The following MEIKIN variants were observed in gnomAD, a reference collection of about 807,000 sequenced individuals.
MEIKIN encodes the protein meiosis-specific kinetochore protein.
intron 12 of MEIKIN, among the ~76,000 whole-genome samples, chr5:131,813,917 A>T (rs1177452487): frequency 6.6e-6 from 1 of 152,204 alleles, no homozygotes; most frequent in East Asian, 1.9e-4. Flanking sequence ...CTGCAAGCTC[A>T]GGAGCAAGGA....
rs766237423 is a variant in MEIKIN at position 131,934,703 on chromosome 5, T to C, written c.350-1062A>G. Among the ~76,000 whole-genome samples the C allele has an allele frequency of 8.5e-5, 13 of 152,250 alleles. 3 individuals are homozygous for C. The highest frequency in any genetic ancestry group is 9.6e-5 in the African/African-American group (4 of 41,550). Reference sequence around the variant, plus strand: ...ACACTAAAAAAGATTCATAAAACAATAGCACTGATAATTTGGACTTCAGCA... The same window carrying C: ...ACACTAAAAAAGATTCATAAAACAACAGCACTGATAATTTGGACTTCAGCA... On this transcript the variant is annotated intron_variant, in intron 4 of 12. Coordinates refer to ENST00000442687, the MANE Select transcript of MEIKIN (RefSeq NM_001303622.2).
intron 11 of MEIKIN, among the ~76,000 whole-genome samples, chr5:131,819,512 A>G (rs1380199046): frequency 6.6e-6 from 1 of 151,398 alleles, no homozygotes; most frequent in Non-Finnish European, 1.5e-5. Context: ...TTCAGAAGTG[A>G]CATATCTTGT....
At chr5:131,934,754 G>C (rs1431433044) in intron 4 of MEIKIN, among the ~76,000 whole-genome samples, 1 of 152,106 alleles carries the variant, frequency 6.6e-6, no homozygotes, top group Non-Finnish European at 1.5e-5. Context: ...CTTCAAAAGA[G>C]ACTATTAAAA....
At chr5:131,878,030 T>A (rs1265531309) in intron 9 of MEIKIN, among the ~76,000 whole-genome samples, 1 of 152,228 alleles carries the variant, frequency 6.6e-6, no homozygotes, top group East Asian at 1.9e-4. Context: ...GTTTCAGTTA[T>A]CAGATCAAAA....
At position 131,882,424 on chromosome 5, in the gene MEIKIN, T is replaced by G. The variant is rs77125330; in HGVS notation, c.704-3376A>C. 8.9e-3 allele frequency among the ~76,000 whole-genome samples: 1,349 copies of G among 152,264 alleles called. 24 individuals carry two copies. Among genetic ancestry groups the G allele is most frequent in the African/African-American group, 0.031 (1,281 of 41,542 alleles). On this transcript the variant is annotated intron_variant, in intron 8 of 12. Transcript: ENST00000442687. ...TTTACAGCTTGCTCCTCTGGAGTGA[T>G]GGACAAAGCAGAAAGAATAGGTGAA...
intron 9 of MEIKIN, among the ~76,000 whole-genome samples, chr5:131,858,255 C>G (rs186092236): frequency 2.5e-4 from 38 of 152,272 alleles, no homozygotes; most frequent in African/African-American, 8.9e-4. Flanking sequence ...ACCAATGGAA[C>G]AGAATAGAGA....
intron 8 of MEIKIN, among the ~76,000 whole-genome samples, chr5:131,889,283 T>C (rs182483305): frequency 5.9e-5 from 9 of 152,328 alleles, no homozygotes; most frequent in African/African-American, 1.9e-4. Flanking sequence ...TGGCATTGAA[T>C]CTATAAATTA....
At position 131,910,892 on chromosome 5, in the gene MEIKIN, T is replaced by C. The variant is rs888479116; in HGVS notation, c.703+923A>G. On this transcript the variant is annotated intron_variant, in intron 8 of 12. Coordinates refer to ENST00000442687, the MANE Select transcript of MEIKIN (RefSeq NM_001303622.2). ...GCCCTACCACCAAGCTTTGTAAATA[T>C]TTTCCACAGCTAAAGCAACACTTTT... Among the ~76,000 whole-genome samples, 3 of 152,116 alleles carry C rather than the reference T, an allele frequency of 2.0e-5. No individual in the cohort carries two copies. In the East Asian group the frequency reaches 5.8e-4, roughly 29 times the overall value.
At chr5:131,942,161 G>C (rs567775297) in intron 4 of MEIKIN, among the ~76,000 whole-genome samples, 24 of 152,256 alleles carry the variant, frequency 1.6e-4, no homozygotes, top group African/African-American at 5.8e-4. Context: ...AGGCTATGCA[G>C]GGCCTCAAAC....
chr5:131,844,958 A>C (rs1184321508), intron 11 of MEIKIN, among the ~76,000 whole-genome samples: 2 of 152,208 alleles, frequency 1.3e-5, no homozygotes, highest in African/African-American at 4.8e-5. Flanking sequence ...TGACAATGAA[A>C]ACAAAAACAA....
chr5:131,918,284 CT>C (rs904710248), intron 6 of MEIKIN, among the ~76,000 whole-genome samples: 5 of 152,206 alleles, frequency 3.3e-5, no homozygotes, highest in Non-Finnish European at 7.3e-5. Context: ...TGATTTATTG[CT>C]GAATTTTTCA....
At chr5:131,927,092 T>A (rs1411082939) in intron 5 of MEIKIN, among the ~76,000 whole-genome samples, 1 of 152,202 alleles carries the variant, frequency 6.6e-6, no homozygotes, top group Admixed American at 6.5e-5. Context: ...CATTAGCTTA[T>A]TTGAAATTTT....
Position 131,852,157 on chromosome 5 carries a change from C to A in MEIKIN, c.856-774G>T, listed in dbSNP as rs183682318. On this transcript the variant is annotated intron_variant, in intron 10 of 12. Transcript: ENST00000442687. ...CTCAAATCTCATCTTGAATTGTAAT[C>A]CCCATAATCCCCATAGGTCAAGGGA... is the stretch of plus-strand genomic sequence containing the variant. Among the ~76,000 whole-genome samples, 552 of 152,176 alleles carry A rather than the reference C, an allele frequency of 3.6e-3. 4 individuals carry two copies. Among genetic ancestry groups the A allele is most frequent in the African/African-American group, 0.013 (524 of 41,526 alleles).
At chr5:131,820,142 G>A (rs1401281900) in intron 11 of MEIKIN, among the ~76,000 whole-genome samples, 1 of 143,082 alleles carries the variant, frequency 7.0e-6, no homozygotes, top group Non-Finnish European at 1.5e-5. Flanking sequence ...TGTGTTCTCA[G>A]CTCACTGCAA....
At chr5:131,930,582 C>A (rs1038279977) in intron 5 of MEIKIN, among the ~76,000 whole-genome samples, 1 of 152,062 alleles carries the variant, frequency 6.6e-6, no homozygotes, top group Non-Finnish European at 1.5e-5. Context: ...ATTCTTTATT[C>A]TTCTTGAGCT....
intron 12 of MEIKIN, among the ~76,000 whole-genome samples, chr5:131,816,647 C>T (rs542681401): frequency 1.3e-5 from 2 of 152,160 alleles, no homozygotes; most frequent in Non-Finnish European, 2.9e-5. Flanking sequence ...TAACTTTCAA[C>T]CTCTCTTTAA....
intron 9 of MEIKIN, among the ~76,000 whole-genome samples, chr5:131,871,424 C>T (rs908477962): frequency 1.3e-5 from 2 of 152,206 alleles, no homozygotes; most frequent in Non-Finnish European, 2.9e-5. Context: ...TGAGATCAAA[C>T]TGCAAGGCGA....
chr5:131,851,170 G>A (rs1580872205), intron 11 of MEIKIN, 94 bp downstream of exon 11: 2 of 391,904 alleles, frequency 5.1e-6, no homozygotes, highest in Non-Finnish European at 9.0e-6. Context: ...TTTCTCATGA[G>A]TTAAGAGATT....
At chr5:131,844,351 A>G (rs1749972997) in intron 11 of MEIKIN, among the ~76,000 whole-genome samples, 2 of 152,386 alleles carry the variant, frequency 1.3e-5, no homozygotes, top group Admixed American at 1.3e-4. Context: ...ACTGGACATC[A>G]GACATTGAAG....
Sources: allele counts gnomAD v4.1 joint callset (sites outside exome capture counted in the v4.1 genomes callset), GRCh38; gene constraint gnomAD v4.1.1; transcripts MANE v1.5; gene names NCBI Gene and HGNC (gene_info 2026-07-23, HGNC 2026-07-21).